The following ADAMTS20 variants were observed in gnomAD, a reference collection of about 807,000 sequenced individuals.
ADAMTS20 encodes the protein ADAM metallopeptidase with thrombospondin type 1 motif 20.
In ADAMTS20, 225 loss-of-function variants were observed where a neutral mutation model predicts 260.1. The observed-to-expected ratio is 0.87, with a 90% CI of 0.78 to 0.97. The LOEUF (loss-of-function observed/expected upper bound fraction) is 0.97, where lower values mean the gene tolerates loss of function less well. Ranked by LOEUF, ADAMTS20 falls within the 50% of genes least tolerant of loss-of-function variation. The pLI is 0.00. For missense variants in ADAMTS20, 2,400 were observed against 2,337.7 expected (o/e 1.03, Z -0.55); for synonymous variants, 802 against 769.5 (o/e 1.04, Z -0.70).
At chr12:43,436,915 C>T (rs1941566963) in intron 18 of ADAMTS20, among the ~76,000 whole-genome samples, 1 of 152,160 alleles carries the variant, frequency 6.6e-6, no homozygotes, top group Non-Finnish European at 1.5e-5. Flanking sequence ...AGACTTCTCT[C>T]CAATGACATA....
At chr12:43,484,886 A>G (rs1003239957) in intron 7 of ADAMTS20, among the ~76,000 whole-genome samples, 4 of 152,240 alleles carry the variant, frequency 2.6e-5, no homozygotes, top group African/African-American at 4.8e-5. Flanking sequence ...GGATATCACC[A>G]AGGCTTACAG....
intron 3 of ADAMTS20, among the ~76,000 whole-genome samples, chr12:43,506,928 A>G (rs1942852131): frequency 6.6e-6 from 1 of 152,210 alleles, no homozygotes; most frequent in Non-Finnish European, 1.5e-5. Context: ...CACAAAGGGT[A>G]GAACAGTGGT....
At chr12:43,427,866 C>G (rs1388882421) in intron 26 of ADAMTS20, among the ~76,000 whole-genome samples, 1 of 151,820 alleles carries the variant, frequency 6.6e-6, no homozygotes, top group Non-Finnish European at 1.5e-5. Context: ...AAAACTATAC[C>G]ATTTGTAGTT....
intron 7 of ADAMTS20, among the ~76,000 whole-genome samples, chr12:43,481,674 A>T (rs1028047333): frequency 6.6e-6 from 1 of 152,356 alleles, no homozygotes. Context: ...ATTTCTATGG[A>T]CCGGCATCAT....
intron 3 of ADAMTS20, among the ~76,000 whole-genome samples, chr12:43,517,696 G>A (rs1443392794): frequency 6.6e-6 from 1 of 151,972 alleles, no homozygotes; most frequent in African/African-American, 2.4e-5. Context: ...AACTCTGTAT[G>A]TAAAATTTAA....
intron 37 of ADAMTS20, among the ~76,000 whole-genome samples, chr12:43,358,208 C>T (rs532885198): frequency 3.7e-4 from 57 of 152,134 alleles, no homozygotes; most frequent in Non-Finnish European, 7.4e-4. Flanking sequence ...AATGTATACA[C>T]ATTGGAAGTA....
chr12:43,528,891 G>T (rs1943183529), intron 3 of ADAMTS20, among the ~76,000 whole-genome samples: 1 of 152,048 alleles, frequency 6.6e-6, no homozygotes, highest in Non-Finnish European at 1.5e-5. Context: ...GAATATATTT[G>T]CAAACTATGC....
intron 16 of ADAMTS20, among the ~76,000 whole-genome samples, chr12:43,443,403 T>C (rs953578166): frequency 5.3e-5 from 8 of 152,118 alleles, no homozygotes; most frequent in Non-Finnish European, 1.0e-4. Context: ...TTTAAATACT[T>C]TAGCTACATA....
intron 37 of ADAMTS20, among the ~76,000 whole-genome samples, chr12:43,358,542 T>TA (rs1939794286): frequency 6.6e-6 from 1 of 152,044 alleles, no homozygotes; most frequent in Non-Finnish European, 1.5e-5. Context: ...CATATGTACC[T>TA]AAAAAAAGTA....
At chr12:43,481,706 G>A (rs1379570688) in intron 7 of ADAMTS20, among the ~76,000 whole-genome samples, 1 of 152,144 alleles carries the variant, frequency 6.6e-6, no homozygotes, top group Non-Finnish European at 1.5e-5. Flanking sequence ...TTTAACAATA[G>A]AAAATAAAAG....
intron 2 of ADAMTS20, among the ~76,000 whole-genome samples, chr12:43,539,076 C>T (rs921309070): frequency 6.6e-6 from 1 of 151,848 alleles, no homozygotes; most frequent in African/African-American, 2.4e-5. Context: ...CCTCAGCCTC[C>T]CAAGTAGCTG....
Position 43,439,707 on chromosome 12 carries a change from G to A in ADAMTS20, c.2508C>T (p.Ser836=), listed in dbSNP as rs754654728. The A allele has an allele frequency of 6.2e-7, 1 of 1,613,432 alleles. No homozygotes were observed. The highest frequency in any genetic ancestry group is 1.7e-5 in the Admixed American group (1 of 59,958). ...GNLYNPDVHY[S]FNIPLEERSD... ...TCCTCTCTTCCAAAGGGATATTGAA[G>A]GAATAATGTACATCAGGGTTGTATA... The change falls in exon 18 of 39, where the codon TCC becomes TCT. Residue 836 remains serine (S), a synonymous_variant. Coordinates refer to ENST00000389420, the MANE Select transcript of ADAMTS20 (RefSeq NM_025003.5).
At chr12:43,511,226 G>C (rs928894238) in intron 3 of ADAMTS20, among the ~76,000 whole-genome samples, 1 of 152,048 alleles carries the variant, frequency 6.6e-6, no homozygotes, top group African/African-American at 2.4e-5. Context: ...TGTTCCCGCT[G>C]TCTTCAATCT....
chr12:43,364,767 A>G (rs1820863298), intron 37 of ADAMTS20, among the ~76,000 whole-genome samples: 1 of 152,166 alleles, frequency 6.6e-6, no homozygotes, highest in South Asian at 2.1e-4. Context: ...AGAAGCATCA[A>G]AAGGACAGAA....
At chr12:43,433,572 T>C (rs1941489971) in intron 19 of ADAMTS20, among the ~76,000 whole-genome samples, 1 of 152,046 alleles carries the variant, frequency 6.6e-6, no homozygotes, top group Admixed American at 6.6e-5. Context: ...GTGAAAGAGG[T>C]TCTGGCCATA....
At chr12:43,487,056 A>C (rs1190053286) in intron 7 of ADAMTS20, among the ~76,000 whole-genome samples, 1 of 152,248 alleles carries the variant, frequency 6.6e-6, no homozygotes, top group Non-Finnish European at 1.5e-5. Flanking sequence ...CATTTGATCC[A>C]GTAATCCCAC....
chr12:43,481,912 C>T (rs570833736), intron 7 of ADAMTS20, among the ~76,000 whole-genome samples: 1 of 152,216 alleles, frequency 6.6e-6, no homozygotes, highest in South Asian at 2.1e-4. Context: ...CAACAGCCTA[C>T]ATCATGAACC....
chr12:43,376,722 T>C, intron 32 of ADAMTS20, 69 bp from the exon 33 acceptor site: 1 of 1,525,632 alleles, frequency 6.6e-7, no homozygotes, highest in Non-Finnish European at 8.8e-7. Context: ...CCAAGTCTCC[T>C]TTTCTTAGAC....
chr12:43,430,155 A>AG (rs1467553212), intron 23 of ADAMTS20, among the ~76,000 whole-genome samples, 197 bp downstream of exon 23: 5 of 152,104 alleles, frequency 3.3e-5, no homozygotes, highest in Non-Finnish European at 5.9e-5. Flanking sequence ...AAAAAAAAAA[A>AG]AAAATTCATT....
Sources: gnomAD v4.1 joint callset for allele counts (sites outside exome capture counted in the v4.1 genomes callset) on GRCh38, gnomAD v4.1.1 for gene constraint, MANE v1.5 for transcripts, NCBI Gene and HGNC (gene_info 2026-07-23, HGNC 2026-07-21) for gene names.